The following HUNK variants were observed in gnomAD, a reference collection of about 807,000 sequenced individuals.
HUNK encodes the protein hormonally up-regulated neu tumor-associated kinase.
In HUNK, 21 loss-of-function variants were observed where a neutral mutation model predicts 61.0. The observed-to-expected ratio is 0.34, with a 90% CI of 0.24 to 0.50. HUNK has a LOEUF of 0.50. Among genes scored for constraint, HUNK ranks in the 20% least tolerant of loss-of-function variants. The pLI is 0.98. For missense variants in HUNK, 772 were observed against 945.7 expected, an observed-to-expected ratio of 0.82 and a Z score of 2.41; for synonymous variants, 371 against 386.1, an observed-to-expected ratio of 0.96 and a Z score of 0.46.
At chr21:31,952,108 G>A (rs772055520) in intron 4 of HUNK, among the ~76,000 whole-genome samples, 4 of 151,940 alleles carry the variant, frequency 2.6e-5, no homozygotes, top group South Asian at 2.1e-4. Flanking sequence ...TTTGAAATCC[G>A]CAAGAAAATA....
Position 31,924,782 on chromosome 21 carries a change from T to G in HUNK, c.554+22T>G, listed in dbSNP as rs192783090. On this transcript the variant is annotated intron_variant, in intron 2 of 10. Transcript: ENST00000270112. The surrounding 1 kb of genome is among the most constrained non-coding windows in gnomAD (Gnocchi z 5.1). ...ACAGGTAAGGGCCAGGCCACGCTGG[T>G]GATCGCTGACTGTGTGCTCCGTGGG... is the stretch of plus-strand genomic sequence containing the variant. The G allele has an allele frequency of 1.6e-4, 245 of 1,569,222 alleles. 1 individual carries two copies. In the East Asian group the frequency reaches 4.9e-3, roughly 31 times the overall value.
intron 10 of HUNK, among the ~76,000 whole-genome samples, chr21:31,997,387 A>G (rs973845357): frequency 4.6e-5 from 7 of 152,238 alleles, no homozygotes; most frequent in Non-Finnish European, 1.0e-4. Context: ...ATCCAGATCA[A>G]AAGTCACGAG....
intron 2 of HUNK, among the ~76,000 whole-genome samples, chr21:31,930,611 T>A (rs1414218453): frequency 6.6e-6 from 1 of 152,228 alleles, no homozygotes; most frequent in Non-Finnish European, 1.5e-5. Context: ...TCTATCTGCC[T>A]TCTGCACAGG....
chr21:31,970,268 G>A (rs534449585), intron 6 of HUNK, among the ~76,000 whole-genome samples: 2 of 152,350 alleles, frequency 1.3e-5, no homozygotes, highest in South Asian at 2.1e-4. Context: ...TTAAAGGGGC[G>A]TGGGAGTCTG....
At chr21:31,890,363 G>A (rs974351120) in intron 1 of HUNK, among the ~76,000 whole-genome samples, 1 of 151,970 alleles carries the variant, frequency 6.6e-6, no homozygotes. Context: ...CAAGTAGCTG[G>A]TATTACAGGC....
At position 31,873,519 on chromosome 21, in the gene HUNK, G is replaced by A. The variant is rs548321340; in HGVS notation, c.-156G>A. On this transcript the variant is annotated 5_prime_UTR_variant, in exon 1 of 11. Coordinates refer to ENST00000270112, the MANE Select transcript of HUNK (RefSeq NM_014586.2). This position sits in a 1 kb window ranked among gnomAD's most constrained non-coding sequence, Gnocchi z 6.1. ...CGCGCCTCGCTGGGCGGCGCGGGGGGCGTGATCGCGGCGGCCCCGGGCTCT... is the reference window on the plus strand; with the variant it reads ...CGCGCCTCGCTGGGCGGCGCGGGGGACGTGATCGCGGCGGCCCCGGGCTCT... The A allele has an allele frequency of 1.3e-3, 571 of 451,620 alleles. 1 individual carries two copies. Among genetic ancestry groups the A allele is most frequent in the Admixed American group, 3.3e-3 (52 of 15,628 alleles). 28.0% of individuals were successfully genotyped at this position (451,620 alleles called of 1,614,324 possible).
intron 9 of HUNK, among the ~76,000 whole-genome samples, chr21:31,992,122 G>A (rs527581476): frequency 5.3e-5 from 8 of 152,348 alleles, no homozygotes; most frequent in Admixed American, 3.9e-4. Context: ...TGGAGCACCT[G>A]TGGCAGCCAT....
At chr21:31,911,397 T>C (rs2052544640) in intron 1 of HUNK, among the ~76,000 whole-genome samples, 1 of 152,160 alleles carries the variant, frequency 6.6e-6, no homozygotes, top group Non-Finnish European at 1.5e-5. Flanking sequence ...GAGCTGACAT[T>C]TCGTCAGGAT....
chr21:31,900,479 A>ACACACACACACACACACACACACAC (rs57151018), intron 1 of HUNK, among the ~76,000 whole-genome samples: 3 of 151,478 alleles, frequency 2.0e-5, no homozygotes, highest in African/African-American at 4.9e-5. Context: ...ACACACACAC[A>ACACACACACACACACACACACACAC]AACTCTACTG....
rs527348777 is a variant in HUNK at position 31,972,616 on chromosome 21, C to T, written c.1011-1939C>T. ...CTGCTCTTGGGATTCCCAGGTATTT[C>T]CAAACCACTGTTCCCTCTGCATTGT... is the stretch of plus-strand genomic sequence containing the variant. On this transcript the variant is annotated intron_variant, in intron 6 of 10. Transcript: ENST00000270112. 7.9e-5 allele frequency among the ~76,000 whole-genome samples: 12 copies of T among 152,300 alleles called. No homozygotes were observed. In the South Asian group the frequency reaches 2.5e-3, roughly 32 times the overall value.
intron 9 of HUNK, 146 bp from the exon 10 acceptor site, chr21:31,995,622 C>T: frequency 1.4e-6 from 1 of 708,166 alleles, no homozygotes; most frequent in Non-Finnish European, 2.4e-6. Flanking sequence ...TGGGCCACAG[C>T]TCCTCCCTCA....
chr21:31,988,253 G>A (rs1483013838), intron 8 of HUNK, among the ~76,000 whole-genome samples: 1 of 152,130 alleles, frequency 6.6e-6, no homozygotes, highest in African/African-American at 2.4e-5. Flanking sequence ...GGACTTTGGG[G>A]GTCGAGGTGG....
intron 3 of HUNK, among the ~76,000 whole-genome samples, chr21:31,941,658 G>A (rs941001446): frequency 2.6e-5 from 4 of 152,110 alleles, no homozygotes; most frequent in African/African-American, 4.8e-5. Flanking sequence ...TGTCTTGAGG[G>A]GCCAAGTGCA....
Position 31,992,832 on chromosome 21 carries a change from G to A in HUNK, c.1305+2656G>A, listed in dbSNP as rs112509743. 3.7e-3 allele frequency among the ~76,000 whole-genome samples: 557 copies of A among 152,356 alleles called. 2 individuals carry two copies. Among genetic ancestry groups the A allele is most frequent in the Middle Eastern group, 6.8e-3 (2 of 294 alleles). On this transcript the variant is annotated intron_variant, in intron 9 of 10. Coordinates refer to ENST00000270112, the MANE Select transcript of HUNK (RefSeq NM_014586.2). Reference sequence around the variant, plus strand: ...TTGGTAACATGTGCTTGGAGGGCAGGGAGATTGGCTAGTTGTAAATAAACA... The same window carrying A: ...TTGGTAACATGTGCTTGGAGGGCAGAGAGATTGGCTAGTTGTAAATAAACA...
At chr21:31,914,873 T>C (rs2052571295) in intron 1 of HUNK, among the ~76,000 whole-genome samples, 1 of 152,114 alleles carries the variant, frequency 6.6e-6, no homozygotes, top group Non-Finnish European at 1.5e-5. Context: ...TACAGTCACG[T>C]TGGGGGTTAG....
intron 1 of HUNK, among the ~76,000 whole-genome samples, chr21:31,889,184 C>G (rs2052369532): frequency 6.6e-6 from 1 of 152,128 alleles, no homozygotes; most frequent in African/African-American, 2.4e-5. Flanking sequence ...AACAAAATAC[C>G]CAGTGCTTTT....
chr21:31,957,560 G>C (rs1290817994), intron 4 of HUNK, among the ~76,000 whole-genome samples: 1 of 152,130 alleles, frequency 6.6e-6, no homozygotes, highest in African/African-American at 2.4e-5. Context: ...AAATCTTAGT[G>C]CCTGTTTTTA....
chr21:31,996,626 G>A (rs1409232830), intron 10 of HUNK, among the ~76,000 whole-genome samples: 1 of 152,200 alleles, frequency 6.6e-6, no homozygotes, highest in Admixed American at 6.5e-5. Flanking sequence ...GGACACAGGA[G>A]CTGAGGGCGT....
At chr21:31,985,308 T>A (rs2123246134) in intron 8 of HUNK, among the ~76,000 whole-genome samples, 1 of 152,356 alleles carries the variant, frequency 6.6e-6, no homozygotes, top group South Asian at 2.1e-4. Context: ...CCTGATCCCA[T>A]GAGCGGTGCA....
Sources: gnomAD v4.1 joint callset for allele counts (sites outside exome capture counted in the v4.1 genomes callset) on GRCh38, gnomAD v4.1.1 for gene constraint, Gnocchi (gnomAD v3.1) non-coding constraint, MANE v1.5 for transcripts, NCBI Gene and HGNC (gene_info 2026-07-23, HGNC 2026-07-21) for gene names.